Variants in CDH4 observed in about 807,000 individuals in gnomAD.
CDH4 encodes cadherin 4.
CDH4 carries 33 observed loss-of-function variants against 86.0 expected under a neutral mutation model. That is an observed-to-expected ratio of 0.38 (90% CI 0.29 to 0.51). The LOEUF is 0.51. Among genes scored for constraint, CDH4 ranks in the 20% least tolerant of loss-of-function variants. The pLI is 0.86. For missense variants in CDH4, 1,114 were observed against 1,307.4 expected (o/e 0.85, Z 2.28); for synonymous variants, 555 against 549.4 (o/e 1.01, Z -0.14).
chr20:61,445,075 A>G (rs1399100673), intron 2 of CDH4, among the ~76,000 whole-genome samples: 3 of 151,720 alleles, frequency 2.0e-5, no homozygotes, highest in East Asian at 3.9e-4. Flanking sequence ...TTCCCTTCCC[A>G]TCTTGGTGCT....
chr20:61,343,389 A>C (rs1169703453), intron 2 of CDH4, among the ~76,000 whole-genome samples: 14 of 152,276 alleles, frequency 9.2e-5, no homozygotes, highest in Admixed American at 9.2e-4. Flanking sequence ...CAGGAACATG[A>C]AAAGAACAAT....
intron 2 of CDH4, among the ~76,000 whole-genome samples, chr20:61,384,107 T>C (rs982873574): frequency 2.6e-5 from 4 of 152,102 alleles, no homozygotes; most frequent in Non-Finnish European, 5.9e-5. Flanking sequence ...ATTTTAGCTG[T>C]GCTGGCAGCT....
Position 61,306,541 on chromosome 20 carries a change from T to G in CDH4, c.169+51604T>G, listed in dbSNP as rs147859523. ...TTAGTAGAGATGGGGTTTACCATCT[T>G]GGCCAGGCTGGTCTTACACTCCTGA... On this transcript the variant is annotated intron_variant, in intron 2 of 15. Coordinates refer to ENST00000614565, the MANE Select transcript of CDH4 (RefSeq NM_001794.5). Among the ~76,000 whole-genome samples the G allele has an allele frequency of 8.9e-4, 135 of 152,260 alleles. 2 individuals carry two copies. In the East Asian group the frequency reaches 0.024, roughly 27 times the overall value.
intron 4 of CDH4, among the ~76,000 whole-genome samples, chr20:61,804,335 A>C (rs1295047189): frequency 1.3e-5 from 2 of 152,162 alleles, no homozygotes; most frequent in Non-Finnish European, 2.9e-5. Context: ...AGGCGGGTAG[A>C]AGTGACAGGA....
chr20:61,648,823 A>G (rs2087092033), intron 2 of CDH4, among the ~76,000 whole-genome samples: 2 of 152,190 alleles, frequency 1.3e-5, no homozygotes, highest in Admixed American at 1.3e-4. Context: ...GTGTGTTAAC[A>G]TGTAAAGTGC....
chr20:61,812,417 A>G (rs551742455), intron 4 of CDH4, among the ~76,000 whole-genome samples: 1 of 152,262 alleles, frequency 6.6e-6, no homozygotes, highest in African/African-American at 2.4e-5. Context: ...TGAGCTGTTA[A>G]CAGCCAGCCC....
intron 2 of CDH4, among the ~76,000 whole-genome samples, chr20:61,522,647 G>C (rs1271008573): frequency 6.6e-6 from 1 of 152,182 alleles, no homozygotes; most frequent in Non-Finnish European, 1.5e-5. Flanking sequence ...GCCCCACTCG[G>C]AACTGCACGC....
At chr20:61,735,313 C>T (rs1600928688) in intron 2 of CDH4, among the ~76,000 whole-genome samples, 1 of 152,218 alleles carries the variant, frequency 6.6e-6, no homozygotes, top group Admixed American at 6.5e-5. Flanking sequence ...GTAAATGTCC[C>T]CATTTTCAGG....
chr20:61,640,376 G>A (rs779531499), intron 2 of CDH4, among the ~76,000 whole-genome samples: 10 of 152,196 alleles, frequency 6.6e-5, no homozygotes, highest in South Asian at 2.1e-4. Flanking sequence ...GAATGTGCAC[G>A]TGCATACATG....
intron 2 of CDH4, among the ~76,000 whole-genome samples, chr20:61,556,335 G>T (rs2086177302): frequency 1.3e-5 from 2 of 152,146 alleles, no homozygotes; most frequent in Non-Finnish European, 2.9e-5. Flanking sequence ...TTATGATTCA[G>T]AAGAAAGAAA....
intron 2 of CDH4, among the ~76,000 whole-genome samples, chr20:61,575,544 G>A (rs1229463469): frequency 6.6e-6 from 1 of 152,204 alleles, no homozygotes; most frequent in Non-Finnish European, 1.5e-5. Context: ...TGAAGAAAAG[G>A]CAATGGAGAG....
chr20:61,342,280 C>G (rs1161638402), intron 2 of CDH4, among the ~76,000 whole-genome samples: 1 of 152,182 alleles, frequency 6.6e-6, no homozygotes, highest in African/African-American at 2.4e-5. Context: ...TACTTTATTT[C>G]TCTTATTATT....
At chr20:61,406,753 C>A (rs2085086109) in intron 2 of CDH4, among the ~76,000 whole-genome samples, 1 of 148,656 alleles carries the variant, frequency 6.7e-6, no homozygotes, top group Admixed American at 6.7e-5. Context: ...CCACCATCTG[C>A]TCTGCCTGGA....
chr20:61,532,174 G>T (rs1488537537), intron 2 of CDH4, among the ~76,000 whole-genome samples: 1 of 152,214 alleles, frequency 6.6e-6, no homozygotes, highest in Admixed American at 6.5e-5. Context: ...CCAATCGCCT[G>T]CAGGGCATGG....
intron 2 of CDH4, among the ~76,000 whole-genome samples, chr20:61,310,330 G>T (rs2123221407): frequency 6.6e-6 from 1 of 152,286 alleles, no homozygotes; most frequent in African/African-American, 2.4e-5. Flanking sequence ...TCAACCAGTG[G>T]TCCCCAACGT....
intron 4 of CDH4, among the ~76,000 whole-genome samples, chr20:61,792,694 G>T (rs76824017): frequency 6.6e-6 from 1 of 151,814 alleles, no homozygotes; most frequent in Non-Finnish European, 1.5e-5. Flanking sequence ...CTGATGGCCC[G>T]GGCTGGAGTG....
intron 2 of CDH4, among the ~76,000 whole-genome samples, chr20:61,267,148 T>C (rs6028087): frequency 0.73 from 111,651 of 152,062 alleles, 41,092 homozygotes; most frequent in South Asian, 0.82. Flanking sequence ...TTCAGACTTC[T>C]GGCTTCCAGA....
At chr20:61,826,602 G>A (rs1256788613) in intron 4 of CDH4, among the ~76,000 whole-genome samples, 1 of 152,270 alleles carries the variant, frequency 6.6e-6, no homozygotes, top group South Asian at 2.1e-4. Context: ...GAGATTTTAT[G>A]TAAGCTGGTC....
chr20:61,638,916 G>C (rs559410188), intron 2 of CDH4, among the ~76,000 whole-genome samples: 1 of 152,280 alleles, frequency 6.6e-6, no homozygotes, highest in African/African-American at 2.4e-5. Flanking sequence ...AGCCAACTCA[G>C]GTTCCAGGGA....
Sources: allele counts gnomAD v4.1 joint callset (sites outside exome capture counted in the v4.1 genomes callset), GRCh38; gene constraint gnomAD v4.1.1; transcripts MANE v1.5; gene names NCBI Gene and HGNC (gene_info 2026-07-23, HGNC 2026-07-21).